Variants in TBCCD1 observed in about 807,000 individuals in gnomAD.
TBCCD1 encodes the protein TBCC domain containing 1, also known as TBCC domain-containing protein 1.
TBCCD1 carries 26 observed loss-of-function variants against 53.4 expected under a neutral mutation model. That is an observed-to-expected ratio of 0.49 (90% CI 0.36 to 0.68). The LOEUF is 0.68. Ranked by LOEUF, TBCCD1 falls within the 30% of genes least tolerant of loss-of-function variation. TBCCD1 has a pLI of 0.00. For synonymous variants in TBCCD1, 245 were observed against 241.7 expected, an observed-to-expected ratio of 1.01 and a Z score of -0.13; for missense variants, 558 against 669.5, an observed-to-expected ratio of 0.83 and a Z score of 1.84.
At chr3:186,560,495 C>T (rs966893010) in intron 2 of TBCCD1, among the ~76,000 whole-genome samples, 2 of 152,164 alleles carry the variant, frequency 1.3e-5, no homozygotes, top group African/African-American at 4.8e-5. Flanking sequence ...AAATGAATTA[C>T]AGCAACTGAA....
At chr3:186,566,041 C>CT (rs1178917141) in intron 1 of TBCCD1, among the ~76,000 whole-genome samples, 4,601 of 144,682 alleles carry the variant, frequency 0.032, 82 homozygotes, top group African/African-American at 0.048. Context: ...GTGCTTCTCT[C>CT]TTTTTTTTTT....
Position 186,556,258 on chromosome 3 carries a change from T to C in TBCCD1, c.859+151A>G, listed in dbSNP as rs1714536167. On this transcript the variant is annotated intron_variant, in intron 4 of 7. Coordinates refer to ENST00000338733, the MANE Select transcript of TBCCD1 (RefSeq NM_018138.5). Reference sequence around the variant, plus strand: ...GTATAATCCTTGAGAGAAAAAGTCATGCACAAAAGACAGATGTTCCTTTTT... The same window carrying C: ...GTATAATCCTTGAGAGAAAAAGTCACGCACAAAAGACAGATGTTCCTTTTT... 8.8e-6 allele frequency: 7 copies of C among 792,636 alleles called. No individual in the cohort carries two copies. The African/African-American group carries it at 9.2e-5, about 10-fold the overall frequency. The allele number at this position is 792,636 out of a possible 1,614,324, so 49.1% of individuals were successfully genotyped here.
rs557313885 is a variant in TBCCD1 at position 186,546,266 on chromosome 3, A to T, written c.*711T>A. ...AATTTCCTTTTAAATAGTTACAAAG[A>T]ACTATAAAACTCTTATTTAACTCTA... On this transcript the variant is annotated 3_prime_UTR_variant, in exon 8 of 8. Transcript: ENST00000338733. 1 of 152,324 alleles carries T rather than the reference A, an allele frequency of 6.6e-6. No individual in the cohort carries two copies. The highest frequency in any genetic ancestry group is 1.9e-4 in the East Asian group (1 of 5,184). 9.4% of individuals were successfully genotyped at this position (152,324 alleles called of 1,614,324 possible).
In TBCCD1 at chr3:186,562,666, C is replaced by G. The variant is rs929851205; in HGVS notation, c.336+1328G>C. 2.7e-5 allele frequency among the ~76,000 whole-genome samples: 4 copies of G among 149,322 alleles called. No homozygotes were observed. The East Asian group carries it at 7.9e-4, about 30-fold the overall frequency. On this transcript the variant is annotated intron_variant, in intron 2 of 7. Transcript: ENST00000338733. Reference sequence around the variant, plus strand: ...GTTGTATACTTAAAATTCTCTAAGACAGTAGATCTTATGTTAAGTGTTCTT... The same window carrying G: ...GTTGTATACTTAAAATTCTCTAAGAGAGTAGATCTTATGTTAAGTGTTCTT...
chr3:186,547,961 T>C (rs930318759), intron 7 of TBCCD1, among the ~76,000 whole-genome samples: 2 of 152,234 alleles, frequency 1.3e-5, no homozygotes, highest in Non-Finnish European at 2.9e-5. Flanking sequence ...CTTTTACAGC[T>C]TTGGAAAACT....
Position 186,554,329 on chromosome 3 carries a change from T to A in TBCCD1, c.1469A>T (p.Tyr490Phe). Residue 490 changes from tyrosine to phenylalanine, a missense_variant, in exon 6 of 8, where the codon TAT becomes TTT. Tyr to Phe is a conservative substitution (Grantham distance 22). Coordinates refer to ENST00000338733, the MANE Select transcript of TBCCD1 (RefSeq NM_018138.5). ...TEIPGGLPSV[Y>F]QKALGQREQK... ...TTCTCTTTGACCCAGTGCTTTCTGA[T>A]ATACAGATGGAAGACCCCCGGGTAT... The A allele has an allele frequency of 6.2e-7, 1 of 1,614,256 alleles. No homozygotes were observed. Among genetic ancestry groups the A allele is most frequent in the Admixed American group, 1.7e-5 (1 of 60,028 alleles).
rs1167941479 is a variant in TBCCD1 at position 186,556,293 on chromosome 3, A to G, written c.859+116T>C. 1.2e-5 allele frequency: 14 copies of G among 1,170,256 alleles called. No homozygotes were observed. In the South Asian group the frequency reaches 2.1e-4, roughly 17 times the overall value. 72.5% of individuals were successfully genotyped at this position (1,170,256 alleles called of 1,614,324 possible). A position where few individuals can be genotyped will look rare whatever the true frequency, so the allele number is the denominator to read the frequency against. On this transcript the variant is annotated intron_variant, in intron 4 of 7. Coordinates refer to ENST00000338733, the MANE Select transcript of TBCCD1 (RefSeq NM_018138.5). The stretch of plus-strand genomic sequence containing the variant: ...ACAGATGTTCCTTTTTCTCTTTTAT[A>G]GGAGCAGTATTTTTTAGGTCTTCTA...
rs1379139312 is a variant in TBCCD1, at chr3:186,558,508, AGG to A, written c.399_400del (p.Leu134LysfsTer20). ...CTCTTCGCCAATCAAAGATGTCCTT[AGG>A]GAGACCTTGTTCAACTGTTGAATGT... On this transcript the variant is annotated frameshift_variant, in exon 3 of 8. Transcript: ENST00000338733. LOFTEE classifies it high-confidence loss of function. 1 of 1,614,194 alleles carries A rather than the reference AGG, an allele frequency of 6.2e-7. No homozygotes were observed. The highest frequency in any genetic ancestry group is 1.1e-5 in the South Asian group (1 of 91,088).
In TBCCD1 at chr3:186,549,219, TG is replaced by T. The variant is rs1311348069; in HGVS notation, c.*21+1909del. On this transcript the variant is annotated intron_variant, in intron 7 of 7. Coordinates refer to ENST00000338733, the MANE Select transcript of TBCCD1 (RefSeq NM_018138.5). The stretch of plus-strand genomic sequence containing the variant: ...AGGAGAATCACTTGAACCTGGGAAG[TG>T]ACGGTTGCAGTGAGCCGAGACCGCA... 3.8e-4 allele frequency among the ~76,000 whole-genome samples: 58 copies of T among 152,246 alleles called. No individual in the cohort carries two copies. The East Asian group carries it at 0.011, about 28-fold the overall frequency.
At chr3:186,566,224 C>T (rs1338519917) in intron 1 of TBCCD1, among the ~76,000 whole-genome samples, 4 of 151,980 alleles carry the variant, frequency 2.6e-5, no homozygotes, top group Non-Finnish European at 4.4e-5. Flanking sequence ...TTTTTTAGTA[C>T]AGACAGGGTT....
chr3:186,569,308 TTTTA>T (rs373378087), upstream of TBCCD1, among the ~76,000 whole-genome samples: 50 of 150,558 alleles, frequency 3.3e-4, 1 homozygote, highest in East Asian at 7.0e-3. Context: ...GACTTTTATT[TTTTA>T]TTTATTTATT....
chr3:186,570,095 G>C (rs2108470095), upstream of TBCCD1: 7 of 700,578 alleles, frequency 1.0e-5, no homozygotes, highest in East Asian at 1.9e-4. Flanking sequence ...GGGGAGGGGT[G>C]GGGGGTCTCA....
chr3:186,555,362 G>A (rs1243325501), intron 4 of TBCCD1, among the ~76,000 whole-genome samples: 2 of 151,946 alleles, frequency 1.3e-5, no homozygotes, highest in Non-Finnish European at 2.9e-5. Context: ...TCGTGTCTAC[G>A]CTTCAAGTTA....
intron 4 of TBCCD1, 146 bp from the exon 5 acceptor site, chr3:186,555,230 A>C: frequency 1.5e-6 from 1 of 674,384 alleles, no homozygotes; most frequent in Non-Finnish European, 2.3e-6. Context: ...GGCTTTGGAT[A>C]GAGGTATTTG....
intron 2 of TBCCD1, among the ~76,000 whole-genome samples, chr3:186,560,107 T>G (rs1714650980): frequency 6.6e-6 from 1 of 152,212 alleles, no homozygotes; most frequent in Non-Finnish European, 1.5e-5. Flanking sequence ...AAACAATTAT[T>G]TGTTACATTA....
intron 1 of TBCCD1, among the ~76,000 whole-genome samples, chr3:186,566,936 C>G (rs1714849927): frequency 6.6e-6 from 1 of 152,232 alleles, no homozygotes; most frequent in Non-Finnish European, 1.5e-5. Flanking sequence ...ATTCTAACTC[C>G]GAGAATCGAG....
At chr3:186,561,828 A>C (rs1714699205) in intron 2 of TBCCD1, among the ~76,000 whole-genome samples, 1 of 152,182 alleles carries the variant, frequency 6.6e-6, no homozygotes, top group Admixed American at 6.5e-5. Context: ...TTTCTCAAAA[A>C]ATAAAAAAGA....
Position 186,546,241 on chromosome 3 carries a change from A to C in TBCCD1, c.*736T>G, listed in dbSNP as rs1473122028. On this transcript the variant is annotated 3_prime_UTR_variant, in exon 8 of 8. Transcript: ENST00000338733. ...CCAATTATTTTTTAAAAGGAGTAGC[A>C]ATTTCCTTTTAAATAGTTACAAAGA... 6.6e-6 allele frequency: 1 copy of C among 152,212 alleles called. No homozygotes were observed. Among genetic ancestry groups the C allele is most frequent in the Non-Finnish European group, 1.5e-5 (1 of 68,036 alleles). 9.4% of individuals were successfully genotyped at this position (152,212 alleles called of 1,614,324 possible). A position where few individuals can be genotyped will look rare whatever the true frequency, so the allele number is the denominator to read the frequency against.
rs1714226584 is a variant in TBCCD1, at chr3:186,546,847, A to G, written c.*130T>C. On this transcript the variant is annotated 3_prime_UTR_variant, in exon 8 of 8. Coordinates refer to ENST00000338733, the MANE Select transcript of TBCCD1 (RefSeq NM_018138.5). ...CTCTGCCTCAAAAAAAAAAAAAAAAAAAGACAGAAAAGTCCCAATGTCTCT... is the reference window on the plus strand; with the variant it reads ...CTCTGCCTCAAAAAAAAAAAAAAAAGAAGACAGAAAAGTCCCAATGTCTCT... 1.3e-5 allele frequency: 2 copies of G among 151,786 alleles called. No individual in the cohort carries two copies. The highest frequency in any genetic ancestry group is 2.9e-5 in the Non-Finnish European group (2 of 67,928). 9.4% of individuals were successfully genotyped at this position (151,786 alleles called of 1,614,324 possible).
Sources: allele counts gnomAD v4.1 joint callset (sites outside exome capture counted in the v4.1 genomes callset), GRCh38; gene constraint gnomAD v4.1.1; transcripts MANE v1.5; gene names NCBI Gene and HGNC (gene_info 2026-07-23, HGNC 2026-07-21).